Variants in PRR14L observed in about 807,000 individuals in gnomAD.
PRR14L encodes the protein proline rich 14 like, also known as protein PRR14L.
PRR14L carries 80 observed loss-of-function variants against 155.0 expected under a neutral mutation model. The ratio of observed to expected loss-of-function variants is 0.52; its 90% CI spans 0.43 to 0.62. PRR14L has a LOEUF of 0.62. PRR14L is among the 20% of genes least tolerant of loss of function. The pLI is 0.00. For synonymous variants in PRR14L, 883 were observed against 916.0 expected (o/e 0.96, Z 0.65); for missense variants, 2,469 against 2,548.0 (o/e 0.97, Z 0.67).
In PRR14L at chr22:31,682,658, T is replaced by C. The variant is rs2074460610; in HGVS notation, c.*2869A>G. The C allele has an allele frequency of 1.3e-5, 2 of 152,122 alleles. No individual in the cohort carries two copies. The highest frequency in any genetic ancestry group is 4.8e-5 in the African/African-American group (2 of 41,426). 9.4% of individuals were successfully genotyped at this position (152,122 alleles called of 1,614,324 possible). A position where few individuals can be genotyped will look rare whatever the true frequency, so the allele number is the denominator to read the frequency against. ...GAAAAGCTGATGGGCAGAACCCTGA[T>C]TAGACCTGAGATTTCTCCTCTTTCC... is the stretch of plus-strand genomic sequence containing the variant. On this transcript the variant is annotated 3_prime_UTR_variant, in exon 9 of 9. Transcript: ENST00000327423.
At chr22:31,722,209 C>CTG (rs2074693977) in intron 3 of PRR14L, among the ~76,000 whole-genome samples, 1 of 151,852 alleles carries the variant, frequency 6.6e-6, no homozygotes, top group Non-Finnish European at 1.5e-5. Flanking sequence ...ACGGGTGGAT[C>CTG]ACCTGAGGTC....
intron 8 of PRR14L, among the ~76,000 whole-genome samples, chr22:31,687,654 A>C (rs1206179969): frequency 1.3e-5 from 2 of 151,320 alleles, no homozygotes; most frequent in Non-Finnish European, 2.9e-5. Context: ...GCCTGGCTAC[A>C]TTTTCTTTAC....
intron 2 of PRR14L, among the ~76,000 whole-genome samples, chr22:31,728,943 T>C (rs1052241903): frequency 2.6e-5 from 4 of 152,212 alleles, no homozygotes; most frequent in African/African-American, 9.6e-5. Flanking sequence ...TGCTAAATCA[T>C]CCATGTGGGA....
At chr22:31,748,399 C>T (rs1373152401) in intron 1 of PRR14L, among the ~76,000 whole-genome samples, 1 of 152,054 alleles carries the variant, frequency 6.6e-6, no homozygotes, top group Non-Finnish European at 1.5e-5. Context: ...CCATTTCCTC[C>T]CTTTAATAAC....
Position 31,698,877 on chromosome 22 carries a change from G to C in PRR14L, c.6107+2779C>G, listed in dbSNP as rs1166884497. 4.7e-5 allele frequency among the ~76,000 whole-genome samples: 7 copies of C among 150,526 alleles called. 1 individual carries two copies. Among genetic ancestry groups the C allele is most frequent in the Admixed American group, 4.6e-4 (7 of 15,114 alleles). On this transcript the variant is annotated intron_variant, in intron 7 of 8. Coordinates refer to ENST00000327423, the MANE Select transcript of PRR14L (RefSeq NM_173566.3). The stretch of plus-strand genomic sequence containing the variant: ...GCGGAGCTTGCAGTGAGCCGAGATC[G>C]TGCCACTGCACTCTAGCCTGGGCAA...
intron 2 of PRR14L, among the ~76,000 whole-genome samples, chr22:31,727,941 T>G (rs2074726189): frequency 6.7e-6 from 1 of 149,694 alleles, no homozygotes; most frequent in Non-Finnish European, 1.5e-5. Flanking sequence ...ATCATGCCAC[T>G]GCACTCCAGC....
At chr22:31,725,914 C>T (rs1234879990) in intron 2 of PRR14L, among the ~76,000 whole-genome samples, 1 of 151,924 alleles carries the variant, frequency 6.6e-6, no homozygotes, top group Non-Finnish European at 1.5e-5. Context: ...AGTGATCCGC[C>T]CGCCTCCGCC....
chr22:31,700,058 G>A (rs895045248), intron 7 of PRR14L, among the ~76,000 whole-genome samples: 4 of 152,000 alleles, frequency 2.6e-5, no homozygotes, highest in Admixed American at 2.0e-4. Flanking sequence ...CTCGGTCTGC[G>A]CCAGACACTG....
At chr22:31,745,049 G>A (rs2074830565) in intron 1 of PRR14L, among the ~76,000 whole-genome samples, 1 of 152,182 alleles carries the variant, frequency 6.6e-6, no homozygotes, top group African/African-American at 2.4e-5. Context: ...GGAACCCTAA[G>A]AGGTGAGGTG....
chr22:31,733,904 C>CCACACACACA (rs201258835), intron 2 of PRR14L, among the ~76,000 whole-genome samples: 3 of 150,080 alleles, frequency 2.0e-5, no homozygotes, highest in African/African-American at 7.3e-5. Context: ...ACCACCACCA[C>CCACACACACA]CACACACACA....
intron 1 of PRR14L, among the ~76,000 whole-genome samples, chr22:31,741,616 A>G (rs2074813556): frequency 6.6e-6 from 1 of 152,242 alleles, no homozygotes; most frequent in Admixed American, 6.5e-5. Context: ...TCATGCCTAT[A>G]ATCCCAGCAC....
At chr22:31,737,252 G>A (rs905308383) in intron 2 of PRR14L, among the ~76,000 whole-genome samples, 3 of 151,748 alleles carry the variant, frequency 2.0e-5, no homozygotes, top group Non-Finnish European at 4.4e-5. Context: ...AGGCCAAGAC[G>A]GTCGGATCAC....
At chr22:31,730,484 T>C (rs115683663) in intron 2 of PRR14L, among the ~76,000 whole-genome samples, 2,264 of 152,212 alleles carry the variant, frequency 0.015, 57 homozygotes, top group African/African-American at 0.053. Flanking sequence ...GTGATGTTGG[T>C]TCTCCTCATG....
intron 7 of PRR14L, 134 bp from the exon 8 acceptor site, chr22:31,688,361 C>T: frequency 1.7e-6 from 2 of 1,182,706 alleles, no homozygotes; most frequent in Non-Finnish European, 2.2e-6. Context: ...CTCTAGCCAT[C>T]CTCCAGCCTC....
chr22:31,689,416 A>G (rs1298563165), intron 7 of PRR14L, among the ~76,000 whole-genome samples: 1 of 152,244 alleles, frequency 6.6e-6, no homozygotes, highest in Non-Finnish European at 1.5e-5. Context: ...ATGACAAGAT[A>G]CATTCATCTT....
At chr22:31,738,345 C>A in intron 2 of PRR14L, 42 bp downstream of exon 2, 1 of 1,460,920 alleles carries the variant, frequency 6.8e-7, no homozygotes, top group Non-Finnish European at 9.3e-7. Flanking sequence ...AGAAAGCTGT[C>A]ATTCACACTC....
chr22:31,725,811 T>C (rs1196325905), intron 2 of PRR14L, among the ~76,000 whole-genome samples: 1 of 151,694 alleles, frequency 6.6e-6, no homozygotes, highest in African/African-American at 2.4e-5. Context: ...TGGGATTACA[T>C]GCACCCACTA....
At chr22:31,727,853 G>T (rs921612057) in intron 2 of PRR14L, among the ~76,000 whole-genome samples, 1 of 151,734 alleles carries the variant, frequency 6.6e-6, no homozygotes, top group African/African-American at 2.4e-5. Flanking sequence ...ATGGTGGTGC[G>T]TGCCTGTAAT....
In PRR14L at chr22:31,716,559, C is replaced by T. The variant is rs182114992; in HGVS notation, c.1280G>A (p.Arg427His). The change falls in exon 4 of 9, where the codon CGT becomes CAT. Residue 427 changes from arginine (R) to histidine (H), a missense_variant. Arg to His is a conservative substitution (Grantham distance 29). Around this residue, in one of 2 missense-constraint regions of PRR14L, gnomAD observed 2,363 missense variants for 2,371.6 expected, o/e 1.00. Transcript: ENST00000327423. ...AACAGGCTCTTTTTCACCAGAACAA[C>T]GACCACTAATCTCCTTTTCTGGTTC... ...AREPEKEISGRCSGEKEPVVS... is the reference protein window; with the variant it reads ...AREPEKEISGHCSGEKEPVVS... The T allele has an allele frequency of 9.3e-5, 144 of 1,547,472 alleles. No individual in the cohort carries two copies. The highest frequency in any genetic ancestry group is 1.2e-4 in the Non-Finnish European group (137 of 1,146,000).
Sources: gnomAD v4.1 joint callset for allele counts (sites outside exome capture counted in the v4.1 genomes callset) on GRCh38, gnomAD v4.1.1 for gene constraint, gnomAD v4.1.1 regional missense constraint, MANE v1.5 for transcripts, NCBI Gene and HGNC (gene_info 2026-07-23, HGNC 2026-07-21) for gene names.